Variants in RAD54L2 observed in about 807,000 individuals in gnomAD.
RAD54L2 encodes RAD54 like 2.
In RAD54L2, 27 loss-of-function variants were observed where a neutral mutation model predicts 138.4. The observed-to-expected ratio is 0.20, with a 90% CI of 0.14 to 0.27. The LOEUF is 0.27. Ranked by LOEUF, RAD54L2 falls within the 10% of genes least tolerant of loss-of-function variation. The pLI is 1.00. For synonymous variants in RAD54L2, 644 were observed against 723.2 expected (o/e 0.89, Z 1.76); for missense variants, 1,396 against 1,890.2 (o/e 0.74, Z 4.85).
intron 2 of RAD54L2, among the ~76,000 whole-genome samples, chr3:51,545,309 A>G (rs1698662591): frequency 6.6e-6 from 1 of 152,010 alleles, no homozygotes. Flanking sequence ...CTCCTGCCTC[A>G]GCCTCCTGAG....
intron 19 of RAD54L2, among the ~76,000 whole-genome samples, chr3:51,647,201 A>C (rs1246602938): frequency 6.6e-6 from 1 of 152,066 alleles, no homozygotes; most frequent in East Asian, 1.9e-4. Context: ...AACAGATTTA[A>C]ATTTTCTCTT....
rs1364498432 is a variant in RAD54L2 at position 51,639,679 on chromosome 3, A to G, written c.2112+9A>G. ...TTGTCACATATGAATGGGTGAGTCA[A>G]GCAGATCCTTCAGGAACCATAAACT... On this transcript the variant is annotated intron_variant, in intron 13 of 22. Transcript: ENST00000684192. 3.1e-6 allele frequency: 5 copies of G among 1,613,166 alleles called. No individual in the cohort carries two copies. Among genetic ancestry groups the G allele is most frequent in the Non-Finnish European group, 4.2e-6 (5 of 1,179,544 alleles).
At position 51,639,419 on chromosome 3, in the gene RAD54L2, A is replaced by G. The variant is rs1451665645; in HGVS notation, c.1861A>G (p.Ile621Val). The G allele has an allele frequency of 6.2e-7, 1 of 1,613,766 alleles. No individual in the cohort carries two copies. The highest frequency in any genetic ancestry group is 8.5e-7 in the Non-Finnish European group (1 of 1,179,762). Residue 621 changes from isoleucine (I) to valine (V), a missense_variant and splice_region_variant, in exon 13 of 23, where the codon ATC (isoleucine) becomes GTC (valine). Physicochemically the swap from Ile to Val is conservative, Grantham distance 29. This residue lies in a region of RAD54L2 where 211 missense variants were observed against 273.8 expected (regional missense o/e 0.77). Transcript: ENST00000684192. ...PLKAFCVCCK[I>V]WNHPDVLYEA... is the part of the protein sequence containing the mutation. ...TCCTCTCCCTTTCCTTGAACCTCAG[A>G]TCTGGAATCACCCTGATGTGCTGTA...
At chr3:51,613,033 G>C (rs1056762598) in intron 3 of RAD54L2, among the ~76,000 whole-genome samples, 1 of 151,984 alleles carries the variant, frequency 6.6e-6, no homozygotes, top group Non-Finnish European at 1.5e-5. Context: ...TCTGCCTCCC[G>C]GGTTCATGCC....
Position 51,662,821 on chromosome 3 carries a change from C to T in RAD54L2, c.3805C>T (p.Arg1269Cys), listed in dbSNP as rs760576553. 20 of 1,611,678 alleles carry T rather than the reference C, an allele frequency of 1.2e-5. No individual in the cohort carries two copies. The highest frequency in any genetic ancestry group is 1.1e-4 in the South Asian group (10 of 90,716). The change falls in exon 23 of 23, where the codon CGC becomes TGC. Residue 1269 changes from arginine to cysteine, a missense_variant. By Grantham distance (180) the Arg-to-Cys change is radical. Coordinates refer to ENST00000684192, the MANE Select transcript of RAD54L2 (RefSeq NM_015106.4). The surrounding 1 kb of genome is among the most constrained non-coding windows in gnomAD (Gnocchi z 4.6). ...ATPPAAQESS[R>C]RRSRKGHLPA... ...ACCACCTGCTGCCCAGGAGTCATCC[C>T]GCCGGCGGTCCAGGAAGGGTCATCT...
Position 51,643,915 on chromosome 3 carries a change from T to A in RAD54L2, c.2391T>A (p.Leu797=). 1.9e-6 allele frequency: 3 copies of A among 1,608,348 alleles called. No homozygotes were observed. Among genetic ancestry groups the A allele is most frequent in the Non-Finnish European group, 2.5e-6 (3 of 1,177,390 alleles). The change falls in exon 16 of 23, where the codon CTT becomes CTA. Residue 797 remains leucine, a synonymous_variant. Transcript: ENST00000684192. ...GSTPAFERER[L]INQFNDPSNL... ...CCCCTGCCTTTGAGAGGGAGCGGCT[T>A]ATTAATCAGTTCAATGATCCCAGCA...
intron 19 of RAD54L2, among the ~76,000 whole-genome samples, chr3:51,648,400 C>G (rs1211932729): frequency 1.3e-5 from 2 of 152,368 alleles, no homozygotes; most frequent in South Asian, 2.1e-4. Context: ...GCAGAAACTT[C>G]TGCAGACTTA....
intron 3 of RAD54L2, among the ~76,000 whole-genome samples, chr3:51,604,897 T>C (rs1700146476): frequency 6.6e-6 from 1 of 152,136 alleles, no homozygotes; most frequent in Non-Finnish European, 1.5e-5. Flanking sequence ...ATTGTTATCT[T>C]CTGAAGTCTT....
intron 2 of RAD54L2, among the ~76,000 whole-genome samples, chr3:51,544,015 A>T (rs1009640627): frequency 2.7e-4 from 41 of 152,148 alleles, no homozygotes; most frequent in East Asian, 5.8e-4. Context: ...TGGTATTTTT[A>T]AAAAAAATTA....
intron 7 of RAD54L2, among the ~76,000 whole-genome samples, chr3:51,631,606 A>T (rs1700844617): frequency 6.6e-6 from 1 of 151,248 alleles, no homozygotes; most frequent in Non-Finnish European, 1.5e-5. Context: ...AGCCTCCCAA[A>T]GTGCTGGGAT....
At chr3:51,639,804 G>A in intron 13 of RAD54L2, 77 bp from the exon 14 acceptor site, 1 of 1,480,432 alleles carries the variant, frequency 6.8e-7, no homozygotes, top group Non-Finnish European at 9.2e-7. Flanking sequence ...GTGAGCTGCT[G>A]CCTTGGAAGG....
intron 3 of RAD54L2, among the ~76,000 whole-genome samples, chr3:51,597,496 CAT>C (rs1047941743): frequency 6.6e-6 from 1 of 152,012 alleles, no homozygotes; most frequent in Non-Finnish European, 1.5e-5. Flanking sequence ...AAAATTATGA[CAT>C]AGAAATCAAA....
In RAD54L2 at chr3:51,639,267, T is replaced by C. The variant is rs1701065107; in HGVS notation, c.1861-152T>C. 7 of 859,086 alleles carry C rather than the reference T, an allele frequency of 8.1e-6. No individual in the cohort carries two copies. The South Asian group carries it at 1.3e-4, about 15-fold the overall frequency. The allele number at this position is 859,086 out of a possible 1,614,324, so 53.2% of individuals were successfully genotyped here. Reference sequence around the variant, plus strand: ...ATAATCAAAACAAATATGCAGGCCCTTTGGCTGTGAAGGGCTCTGACTTTA... The same window carrying C: ...ATAATCAAAACAAATATGCAGGCCCCTTGGCTGTGAAGGGCTCTGACTTTA... On this transcript the variant is annotated intron_variant, in intron 12 of 22. Coordinates refer to ENST00000684192, the MANE Select transcript of RAD54L2 (RefSeq NM_015106.4).
At chr3:51,601,425 A>T (rs1056219154) in intron 3 of RAD54L2, among the ~76,000 whole-genome samples, 26 of 150,970 alleles carry the variant, frequency 1.7e-4, no homozygotes, top group Admixed American at 1.5e-3. Context: ...CTCCTGCCTC[A>T]GCCTTCTGAG....
At chr3:51,651,988 A>G (rs1701450979) in intron 19 of RAD54L2, among the ~76,000 whole-genome samples, 1 of 152,222 alleles carries the variant, frequency 6.6e-6, no homozygotes, top group Non-Finnish European at 1.5e-5. Context: ...GAAAAGAGGA[A>G]GTCAAATTGT....
Position 51,627,568 on chromosome 3 carries a change from G to T in RAD54L2, c.155G>T (p.Gly52Val). 1 of 1,551,760 alleles carries T rather than the reference G, an allele frequency of 6.4e-7. No individual in the cohort carries two copies. The highest frequency in any genetic ancestry group is 8.7e-7 in the Non-Finnish European group (1 of 1,147,638). Reference sequence around the variant, plus strand: ...GTTTTTTCAGACCCATCCCTGGAAGGCATGTGTGGCACTGAGCATGCCCAG... The same window carrying T: ...GTTTTTTCAGACCCATCCCTGGAAGTCATGTGTGGCACTGAGCATGCCCAG... ...EDLLDDPSLE[G>V]MCGTEHAQLG... Residue 52 changes from glycine (G) to valine (V), a missense_variant, in exon 4 of 23, where the codon GGC becomes GTC. Physicochemically the swap from Gly to Val is moderately radical, Grantham distance 109. Coordinates refer to ENST00000684192, the MANE Select transcript of RAD54L2 (RefSeq NM_015106.4).
intron 3 of RAD54L2, 27 bp downstream of exon 3, chr3:51,590,586 A>G (rs926807756): frequency 6.4e-7 from 1 of 1,552,348 alleles, no homozygotes; most frequent in Non-Finnish European, 8.7e-7. Flanking sequence ...GAGTGACAGA[A>G]GTTGCCTTAT....
intron 2 of RAD54L2, among the ~76,000 whole-genome samples, chr3:51,582,587 CTT>C (rs60539114): frequency 7.0e-5 from 10 of 142,408 alleles, no homozygotes; most frequent in Non-Finnish European, 6.2e-5. Flanking sequence ...ACAACTCTGC[CTT>C]TTTTTTTTTT....
chr3:51,631,306 G>A (rs1700834982), intron 7 of RAD54L2, among the ~76,000 whole-genome samples: 2 of 152,174 alleles, frequency 1.3e-5, no homozygotes, highest in African/African-American at 2.4e-5. Flanking sequence ...AAGATGGGGG[G>A]ACTTTCTGGT....
Sources: allele counts gnomAD v4.1 joint callset (sites outside exome capture counted in the v4.1 genomes callset), GRCh38; gene constraint gnomAD v4.1.1; regional missense constraint gnomAD v4.1.1; non-coding constraint Gnocchi (gnomAD v3.1); transcripts MANE v1.5; gene names NCBI Gene and HGNC (gene_info 2026-07-23, HGNC 2026-07-21).